PRDM16: variants seen among roughly 807,000 people sequenced by gnomAD.
The protein encoded by PRDM16 is PR/SET domain 16.
Under a neutral mutation model 110.6 loss-of-function variants are expected in PRDM16, and 23 were observed. The ratio of observed to expected loss-of-function variants is 0.21; its 90% CI spans 0.15 to 0.29. PRDM16 has a LOEUF of 0.29. Among genes scored for constraint, PRDM16 ranks in the 10% least tolerant of loss-of-function variants. PRDM16 has a pLI of 1.00. For missense variants in PRDM16, 1,615 were observed against 1,794.3 expected, an observed-to-expected ratio of 0.90 and a Z score of 1.81; for synonymous variants, 799 against 781.8, an observed-to-expected ratio of 1.02 and a Z score of -0.37.
intron 2 of PRDM16, among the ~76,000 whole-genome samples, chr1:3,224,817 C>T (rs1255428405): frequency 6.6e-6 from 1 of 152,250 alleles, no homozygotes; most frequent in African/African-American, 2.4e-5. Context: ...CGAGGAGACC[C>T]TGAGCTGCTC....
At chr1:3,266,317 G>A (rs1242046711) in intron 3 of PRDM16, among the ~76,000 whole-genome samples, 1 of 152,180 alleles carries the variant, frequency 6.6e-6, no homozygotes, top group East Asian at 1.9e-4. Context: ...GGAGAGCCGG[G>A]CAGGGGTGGC....
intron 12 of PRDM16, chr1:3,424,976 C>G (rs2483236): frequency 1.3e-5 from 2 of 151,792 alleles, no homozygotes; most frequent in African/African-American, 2.4e-5. Context: ...CAGGAGACGC[C>G]GGAGGGTCGG....
rs547214875 is a variant in PRDM16 at position 3,408,485 on chromosome 1, A to T, written c.1186+2837A>T. ...GCTTTAATAAGTATGCACGTGTGAGAGTGTGTGAGTGTGGGCGCGTGCACC... is the reference window on the plus strand; with the variant it reads ...GCTTTAATAAGTATGCACGTGTGAGTGTGTGTGAGTGTGGGCGCGTGCACC... On this transcript the variant is annotated intron_variant, in intron 8 of 16. Coordinates refer to ENST00000270722, the MANE Select transcript of PRDM16 (RefSeq NM_022114.4). Among the ~76,000 whole-genome samples the T allele has an allele frequency of 1.7e-3, 258 of 152,072 alleles. 1 individual carries two copies. The highest frequency in any genetic ancestry group is 5.8e-3 in the African/African-American group (241 of 41,512).
intron 7 of PRDM16, among the ~76,000 whole-genome samples, chr1:3,405,204 C>T (rs1643539884): frequency 6.6e-6 from 1 of 152,200 alleles, no homozygotes; most frequent in African/African-American, 2.4e-5. Flanking sequence ...CCCGAGCCCG[C>T]CAGGGTCTCA....
intron 4 of PRDM16, among the ~76,000 whole-genome samples, chr1:3,389,167 G>A (rs1643251048): frequency 6.6e-6 from 1 of 152,218 alleles, no homozygotes; most frequent in South Asian, 2.1e-4. Context: ...AGAGGCAGGG[G>A]ACAGGGGCTT....
rs775292698 is a variant in PRDM16 at position 3,245,970 on chromosome 1, T to G, written c.438+1833T>G. ...TCCTGAATGCCTCATGGAGGTGGCC[T>G]GGCAGGAGGTTAGAAGGGGATCAGT... On this transcript the variant is annotated intron_variant, in intron 3 of 16. Coordinates refer to ENST00000270722, the MANE Select transcript of PRDM16 (RefSeq NM_022114.4). This position sits in a 1 kb window ranked among gnomAD's most constrained non-coding sequence, Gnocchi z 4.7. Among the ~76,000 whole-genome samples, 18 of 152,242 alleles carry G rather than the reference T, an allele frequency of 1.2e-4. No individual in the cohort carries two copies. Among genetic ancestry groups the G allele is most frequent in the Non-Finnish European group, 2.6e-4 (18 of 68,010 alleles).
chr1:3,235,710 G>C (rs1206601446), intron 2 of PRDM16, among the ~76,000 whole-genome samples: 1 of 152,248 alleles, frequency 6.6e-6, no homozygotes, highest in Non-Finnish European at 1.5e-5. Flanking sequence ...ATGGGGGAAA[G>C]AGCGCCCGTG....
intron 3 of PRDM16, among the ~76,000 whole-genome samples, chr1:3,322,343 A>G (rs1455680571): frequency 6.6e-6 from 1 of 152,130 alleles, no homozygotes; most frequent in Non-Finnish European, 1.5e-5. Context: ...GACTCGAGTT[A>G]CATCATTTTC....
intron 1 of PRDM16, among the ~76,000 whole-genome samples, chr1:3,096,873 C>G (rs1642413235): frequency 6.6e-6 from 1 of 152,214 alleles, no homozygotes; most frequent in Non-Finnish European, 1.5e-5. Flanking sequence ...GGTGAGACAG[C>G]TCCGTGGTTT....
At chr1:3,418,591 T>C in intron 11 of PRDM16, 76 bp from the exon 12 acceptor site, 1 of 1,026,540 alleles carries the variant, frequency 9.7e-7, no homozygotes, top group Non-Finnish European at 1.5e-6. Context: ...AGCATTAGCT[T>C]GAAACCATTT....
At chr1:3,181,530 T>C (rs1173280714) in intron 1 of PRDM16, among the ~76,000 whole-genome samples, 1 of 82,534 alleles carries the variant, frequency 1.2e-5, no homozygotes, top group African/African-American at 5.1e-5. Flanking sequence ...ACACAAGCGG[T>C]CTTACACACG....
Position 3,153,194 on chromosome 1 carries a change from T to A in PRDM16, c.38-32931T>A, listed in dbSNP as rs1015687698. On this transcript the variant is annotated intron_variant, in intron 1 of 16. Coordinates refer to ENST00000270722, the MANE Select transcript of PRDM16 (RefSeq NM_022114.4). Reference sequence around the variant, plus strand: ...CTGCCACCTGAGGGATCTGCAGCCCTCCTCACCCCTGTAGCTCCGTGTCCT... The same window carrying A: ...CTGCCACCTGAGGGATCTGCAGCCCACCTCACCCCTGTAGCTCCGTGTCCT... Among the ~76,000 whole-genome samples the A allele has an allele frequency of 2.6e-5, 4 of 152,164 alleles. No homozygotes were observed. In the South Asian group the frequency reaches 8.3e-4, roughly 32 times the overall value.
intron 3 of PRDM16, among the ~76,000 whole-genome samples, chr1:3,333,732 G>A (rs183668879): frequency 4.5e-4 from 68 of 152,276 alleles, no homozygotes; most frequent in African/African-American, 1.5e-3. Flanking sequence ...GGCAGGAGGC[G>A]AGTAGATCAT....
chr1:3,211,470 A>G (rs906589901), intron 2 of PRDM16, among the ~76,000 whole-genome samples: 18 of 152,212 alleles, frequency 1.2e-4, no homozygotes, highest in Admixed American at 2.6e-4. Flanking sequence ...GTGGACTCCT[A>G]AGAAAAGACT....
intron 3 of PRDM16, among the ~76,000 whole-genome samples, chr1:3,252,332 C>T (rs1041691589): frequency 2.0e-5 from 3 of 152,190 alleles, no homozygotes; most frequent in Non-Finnish European, 4.4e-5. Context: ...TGCTCCTCTG[C>T]ATAACGGTGT....
chr1:3,139,562 G>A (rs1422604541), intron 1 of PRDM16, among the ~76,000 whole-genome samples: 1 of 152,274 alleles, frequency 6.6e-6, no homozygotes, highest in Non-Finnish European at 1.5e-5. Flanking sequence ...GGCACTGCCT[G>A]CTCTCTGTCA....
intron 3 of PRDM16, among the ~76,000 whole-genome samples, chr1:3,372,377 C>G (rs573933277): frequency 1.3e-5 from 2 of 152,240 alleles, no homozygotes; most frequent in Non-Finnish European, 2.9e-5. Flanking sequence ...GAATTCCTCC[C>G]GCATCTGCTG....
intron 3 of PRDM16, among the ~76,000 whole-genome samples, chr1:3,330,254 C>A (rs1383466441): frequency 2.0e-5 from 3 of 152,254 alleles, no homozygotes; most frequent in Non-Finnish European, 4.4e-5. Context: ...GAGAGCTCAG[C>A]AGGGAGGCCC....
chr1:3,180,954 G>A (rs905627141), intron 1 of PRDM16, among the ~76,000 whole-genome samples: 10 of 146,556 alleles, frequency 6.8e-5, no homozygotes, highest in African/African-American at 1.8e-4. Context: ...CCTTACACAC[G>A]CAGTCTTACA....
Sources: gnomAD v4.1 joint callset for allele counts (sites outside exome capture counted in the v4.1 genomes callset) on GRCh38, gnomAD v4.1.1 for gene constraint, Gnocchi (gnomAD v3.1) non-coding constraint, MANE v1.5 for transcripts, NCBI Gene and HGNC (gene_info 2026-07-23, HGNC 2026-07-21) for gene names.